Variants in ZBTB20 observed in about 807,000 individuals in gnomAD.
ZBTB20 encodes zinc finger and BTB domain containing 20.
In ZBTB20, 9 loss-of-function variants were observed where a neutral mutation model predicts 56.9. That is an observed-to-expected ratio of 0.16 (90% CI 0.10 to 0.28). ZBTB20 has a LOEUF of 0.28. Among genes scored for constraint, ZBTB20 ranks in the 10% least tolerant of loss-of-function variants. ZBTB20 has a pLI of 1.00. For synonymous variants in ZBTB20, 417 were observed against 420.7 expected, an observed-to-expected ratio of 0.99 and a Z score of 0.11; for missense variants, 655 against 1,003.0, an observed-to-expected ratio of 0.65 and a Z score of 4.69.
Position 114,327,678 on chromosome 3 carries a change from G to T in ZBTB20, c.*11327C>A, listed in dbSNP as rs1414362137. ...AACTGGTTTGATTAAGATAAAAGCT[G>T]GGTCAAATCTCAAGTCAAATAAAAA... On this transcript the variant is annotated 3_prime_UTR_variant, in exon 12 of 12. Coordinates refer to ENST00000675478, the MANE Select transcript of ZBTB20 (RefSeq NM_001348800.3). The T allele has an allele frequency of 6.6e-6, 1 of 152,104 alleles. No individual in the cohort carries two copies. The highest frequency in any genetic ancestry group is 1.5e-5 in the Non-Finnish European group (1 of 68,018). The allele number at this position is 152,104 out of a possible 1,614,324, so 9.4% of individuals were successfully genotyped here.
At chr3:114,988,945 GTTGT>G (rs1254185347) in intron 2 of ZBTB20, among the ~76,000 whole-genome samples, 2 of 152,142 alleles carry the variant, frequency 1.3e-5, no homozygotes, top group Admixed American at 6.5e-5. Context: ...TTTTGATGGA[GTTGT>G]TTGTTTTCTT....
At chr3:114,817,165 C>G (rs1283781144) in intron 4 of ZBTB20, among the ~76,000 whole-genome samples, 1 of 149,078 alleles carries the variant, frequency 6.7e-6, no homozygotes, top group Non-Finnish European at 1.5e-5. Context: ...TATATTAAGT[C>G]TATATGAAAT....
intron 2 of ZBTB20, among the ~76,000 whole-genome samples, chr3:115,067,833 G>A (rs113512970): frequency 3.0e-4 from 45 of 152,162 alleles, no homozygotes; most frequent in African/African-American, 1.0e-3. Flanking sequence ...CTAGCCTGCC[G>A]CAATTTTATT....
At chr3:115,100,454 CAGAA>C (rs2083549151) in intron 1 of ZBTB20, 1 of 151,834 alleles carries the variant, frequency 6.6e-6, no homozygotes, top group South Asian at 2.1e-4. Context: ...GAAAGAAAAA[CAGAA>C]AGAAACAGAG....
At chr3:114,536,915 T>C (rs887535542) in intron 6 of ZBTB20, among the ~76,000 whole-genome samples, 14 of 152,010 alleles carry the variant, frequency 9.2e-5, no homozygotes, top group Non-Finnish European at 1.8e-4. Flanking sequence ...ATAAATGGTG[T>C]TGGGAAAACT....
At chr3:115,095,140 TACC>T (rs1404537646) in intron 1 of ZBTB20, among the ~76,000 whole-genome samples, 1 of 152,130 alleles carries the variant, frequency 6.6e-6, no homozygotes, top group African/African-American at 2.4e-5. Flanking sequence ...ATGCTGTAAT[TACC>T]ACATTTTCTA....
intron 2 of ZBTB20, among the ~76,000 whole-genome samples, chr3:115,016,891 T>C (rs2079985885): frequency 6.6e-6 from 1 of 151,708 alleles, no homozygotes; most frequent in African/African-American, 2.4e-5. Flanking sequence ...CTCAAAATAG[T>C]AAGAGCCATA....
intron 6 of ZBTB20, among the ~76,000 whole-genome samples, chr3:114,580,632 A>G (rs2054550546): frequency 1.3e-5 from 2 of 151,852 alleles, no homozygotes; most frequent in Admixed American, 1.3e-4. Context: ...GTAGTAAGAG[A>G]GCTCAGCAAA....
At chr3:114,384,518 C>T (rs1249529348) in intron 8 of ZBTB20, among the ~76,000 whole-genome samples, 1 of 151,508 alleles carries the variant, frequency 6.6e-6, no homozygotes, top group African/African-American at 2.4e-5. Context: ...CGCCTTTCAA[C>T]GGTCAGTTCT....
At chr3:114,490,142 G>A (rs1374256537) in intron 7 of ZBTB20, among the ~76,000 whole-genome samples, 2 of 152,134 alleles carry the variant, frequency 1.3e-5, no homozygotes, top group Non-Finnish European at 2.9e-5. Flanking sequence ...GAGTTCCCTT[G>A]AATAACAAAC....
intron 5 of ZBTB20, among the ~76,000 whole-genome samples, chr3:114,770,850 T>C (rs901589501): frequency 1.3e-5 from 2 of 152,366 alleles, no homozygotes; most frequent in East Asian, 1.9e-4. Flanking sequence ...TACTTACCAG[T>C]TGAGTACCCC....
At chr3:114,578,299 G>C (rs902836263) in intron 6 of ZBTB20, among the ~76,000 whole-genome samples, 1 of 151,934 alleles carries the variant, frequency 6.6e-6, no homozygotes, top group African/African-American at 2.4e-5. Context: ...TTTTGAAAAT[G>C]AAATAGCAAT....
chr3:115,056,332 A>C (rs910399861), intron 2 of ZBTB20, among the ~76,000 whole-genome samples: 4 of 152,120 alleles, frequency 2.6e-5, no homozygotes, highest in African/African-American at 4.8e-5. Context: ...AGGGTAGAGA[A>C]ACTAGCACAA....
chr3:115,016,344 T>C lies in ZBTB20; in HGVS notation c.-506-41928A>G, dbSNP rs568027379. Among the ~76,000 whole-genome samples, 69 of 152,070 alleles carry C rather than the reference T, an allele frequency of 4.5e-4. 1 individual carries two copies. Among genetic ancestry groups the C allele is most frequent in the African/African-American group, 1.7e-3 (69 of 41,532 alleles). The stretch of plus-strand genomic sequence containing the variant: ...ATTAGATCCCATTTGTCATTTTGCT[T>C]TTGTTGCAATTGCTTTTAGCGTTTT... On this transcript the variant is annotated intron_variant, in intron 2 of 11. Transcript: ENST00000675478.
At chr3:115,022,697 G>A (rs2080255666) in intron 2 of ZBTB20, among the ~76,000 whole-genome samples, 2 of 150,814 alleles carry the variant, frequency 1.3e-5, no homozygotes, top group Non-Finnish European at 3.0e-5. Context: ...GTAACTATCT[G>A]TTTTCAGTCA....
At chr3:114,373,892 G>A (rs542614439) in intron 10 of ZBTB20, among the ~76,000 whole-genome samples, 2 of 152,068 alleles carry the variant, frequency 1.3e-5, no homozygotes, top group East Asian at 1.9e-4. Context: ...GGTGTTGTAG[G>A]GAAATAATAA....
At chr3:115,088,203 A>T (rs764429563) in intron 1 of ZBTB20, among the ~76,000 whole-genome samples, 1 of 151,930 alleles carries the variant, frequency 6.6e-6, no homozygotes, top group Non-Finnish European at 1.5e-5. Context: ...CTACAAAATC[A>T]TGTTTTAATT....
intron 1 of ZBTB20, among the ~76,000 whole-genome samples, chr3:115,077,070 G>C (rs2082622666): frequency 6.6e-6 from 1 of 152,148 alleles, no homozygotes; most frequent in Non-Finnish European, 1.5e-5. Flanking sequence ...TTCCTAACAG[G>C]CCAGGGACCA....
chr3:114,980,838 A>T (rs2078297126), intron 2 of ZBTB20, among the ~76,000 whole-genome samples: 1 of 152,030 alleles, frequency 6.6e-6, no homozygotes, highest in African/African-American at 2.4e-5. Flanking sequence ...GCTTGATGCA[A>T]GTAACCATTG....
Sources: gnomAD v4.1 joint callset for allele counts (sites outside exome capture counted in the v4.1 genomes callset) on GRCh38, gnomAD v4.1.1 for gene constraint, MANE v1.5 for transcripts, NCBI Gene and HGNC (gene_info 2026-07-23, HGNC 2026-07-21) for gene names.